The following NDUFAF2 variants were observed in gnomAD, a reference collection of about 807,000 sequenced individuals.
NDUFAF2 encodes NADH:ubiquinone oxidoreductase complex assembly factor 2.
In NDUFAF2, 13 loss-of-function variants were observed where a neutral mutation model predicts 22.8. The observed-to-expected ratio is 0.57, with a 90% CI of 0.37 to 0.91. NDUFAF2 has a LOEUF of 0.91. NDUFAF2 is among the 40% of genes least tolerant of loss of function. NDUFAF2 has a pLI of 0.01. For synonymous variants in NDUFAF2, 53 were observed against 64.2 expected, an observed-to-expected ratio of 0.83 and a Z score of 0.84; for missense variants, 162 against 195.2, an observed-to-expected ratio of 0.83 and a Z score of 1.01.
intron 3 of NDUFAF2, among the ~76,000 whole-genome samples, chr5:61,106,674 A>G (rs1554083298): frequency 1.3e-5 from 2 of 150,562 alleles, no homozygotes; most frequent in Non-Finnish European, 1.5e-5. Flanking sequence ...CCCATTAACC[A>G]TTCCCACCCC....
intron 2 of NDUFAF2, among the ~76,000 whole-genome samples, chr5:61,089,680 A>G (rs1431664237): frequency 6.6e-6 from 1 of 152,230 alleles, no homozygotes; most frequent in Non-Finnish European, 1.5e-5. Context: ...TAAAACCAAG[A>G]TTCATTAAAT....
chr5:60,947,714 C>T (rs1417175876), intron 1 of NDUFAF2, among the ~76,000 whole-genome samples: 3 of 146,874 alleles, frequency 2.0e-5, no homozygotes, highest in South Asian at 2.2e-4. Flanking sequence ...TGCAGTGAGC[C>T]GAGATCACAC....
At chr5:61,015,784 A>T (rs1751499121) in intron 1 of NDUFAF2, among the ~76,000 whole-genome samples, 1 of 152,170 alleles carries the variant, frequency 6.6e-6, no homozygotes, top group African/African-American at 2.4e-5. Flanking sequence ...AAGGTTAAAA[A>T]CCAACAAAAA....
rs552999129 is a variant in NDUFAF2 at position 61,022,790 on chromosome 5, G to A, written c.128-50335G>A. On this transcript the variant is annotated intron_variant, in intron 1 of 3. Transcript: ENST00000296597. ...CTCCCAAGCAGCTGGGATTACAGGC[G>A]CATGCCACCACACCCAGCTAATTTT... 1.2e-4 allele frequency among the ~76,000 whole-genome samples: 18 copies of A among 152,136 alleles called. No homozygotes were observed. In the South Asian group the frequency reaches 3.1e-3, roughly 26 times the overall value.
At chr5:60,964,760 T>C (rs1278224218) in intron 1 of NDUFAF2, among the ~76,000 whole-genome samples, 1 of 152,112 alleles carries the variant, frequency 6.6e-6, no homozygotes, top group Admixed American at 6.5e-5. Flanking sequence ...CCACATAACG[T>C]TGATTACCAT....
At chr5:61,056,675 G>A (rs1339942235) in intron 1 of NDUFAF2, among the ~76,000 whole-genome samples, 1 of 151,548 alleles carries the variant, frequency 6.6e-6, no homozygotes, top group African/African-American at 2.4e-5. Flanking sequence ...ATCACCTGAG[G>A]TTGGCAGTTC....
chr5:60,980,902 A>G (rs1462005201), intron 1 of NDUFAF2, among the ~76,000 whole-genome samples: 6 of 152,158 alleles, frequency 3.9e-5, no homozygotes, highest in African/African-American at 1.4e-4. Context: ...GACAAAAGAA[A>G]TGAGAATAAA....
rs147265110 is a variant in NDUFAF2 at position 60,970,724 on chromosome 5, G to A, written c.127+25342G>A. The stretch of plus-strand genomic sequence containing the variant: ...TTGCTTTAGCTAGGACTTCCAGTAC[G>A]TGTTAAATAACAGTGGTGACAGTGG... On this transcript the variant is annotated intron_variant, in intron 1 of 3. Transcript: ENST00000296597. 4.1e-3 allele frequency among the ~76,000 whole-genome samples: 617 copies of A among 152,142 alleles called. 5 individuals are homozygous for A. Among genetic ancestry groups the A allele is most frequent in the African/African-American group, 0.014 (569 of 41,522 alleles).
At chr5:60,964,747 C>T (rs549569538) in intron 1 of NDUFAF2, among the ~76,000 whole-genome samples, 43 of 152,072 alleles carry the variant, frequency 2.8e-4, no homozygotes, top group Non-Finnish European at 5.0e-4. Flanking sequence ...CTACCGCGCC[C>T]GGCCACATAA....
chr5:61,059,894 G>A (rs1019245780), intron 1 of NDUFAF2, among the ~76,000 whole-genome samples: 3 of 152,080 alleles, frequency 2.0e-5, no homozygotes, highest in African/African-American at 7.2e-5. Flanking sequence ...TTTAATTACT[G>A]TGAGGAATAA....
intron 1 of NDUFAF2, among the ~76,000 whole-genome samples, chr5:61,033,944 A>G (rs1295497290): frequency 1.3e-5 from 2 of 152,188 alleles, no homozygotes; most frequent in Non-Finnish European, 2.9e-5. Context: ...TATCAGAAGG[A>G]GAACTAGACA....
At chr5:60,979,854 C>G (rs1207264485) in intron 1 of NDUFAF2, among the ~76,000 whole-genome samples, 1 of 152,174 alleles carries the variant, frequency 6.6e-6, no homozygotes, top group Non-Finnish European at 1.5e-5. Flanking sequence ...CACTGTAGTC[C>G]TTAGTGAGAC....
At chr5:60,995,233 T>C (rs1751213895) in intron 1 of NDUFAF2, among the ~76,000 whole-genome samples, 1 of 152,222 alleles carries the variant, frequency 6.6e-6, no homozygotes, top group African/African-American at 2.4e-5. Context: ...TCCTGGATGG[T>C]GTTGATGCAA....
intron 1 of NDUFAF2, among the ~76,000 whole-genome samples, chr5:60,992,346 G>A (rs1464534377): frequency 6.6e-6 from 1 of 152,164 alleles, no homozygotes; most frequent in Non-Finnish European, 1.5e-5. Context: ...GTCTGTGCTT[G>A]TGGGGTATTA....
rs574425431 is a variant in NDUFAF2, at chr5:61,105,354, G to A, written c.258+6322G>A. Reference sequence around the variant, plus strand: ...ATTTTATAAGTTACAGAATTAAAATGTCTTAAAATTGCCATTTTATGTATA... The same window carrying A: ...ATTTTATAAGTTACAGAATTAAAATATCTTAAAATTGCCATTTTATGTATA... On this transcript the variant is annotated intron_variant, in intron 3 of 3. Coordinates refer to ENST00000296597, the MANE Select transcript of NDUFAF2 (RefSeq NM_174889.5). 4.6e-5 allele frequency among the ~76,000 whole-genome samples: 7 copies of A among 151,294 alleles called. No homozygotes were observed. In the South Asian group the frequency reaches 1.5e-3, roughly 31 times the overall value.
At chr5:60,962,831 TAA>T (rs76616114) in intron 1 of NDUFAF2, among the ~76,000 whole-genome samples, 1 of 143,372 alleles carries the variant, frequency 7.0e-6, no homozygotes. Context: ...GACTGCATCT[TAA>T]AAAAAAAAAA....
intron 3 of NDUFAF2, among the ~76,000 whole-genome samples, chr5:61,136,711 G>C (rs1561136934): frequency 6.6e-6 from 1 of 152,160 alleles, no homozygotes; most frequent in African/African-American, 2.4e-5. Flanking sequence ...TCACTAAAAG[G>C]TGCCTTAATA....
chr5:61,044,802 A>C (rs1046213701), intron 1 of NDUFAF2, among the ~76,000 whole-genome samples: 1 of 152,044 alleles, frequency 6.6e-6, no homozygotes, highest in African/African-American at 2.4e-5. Flanking sequence ...TGCCTTGGCT[A>C]TCTGGGGTCT....
chr5:61,151,760 C>T (rs937350961), intron 3 of NDUFAF2, among the ~76,000 whole-genome samples: 9 of 151,806 alleles, frequency 5.9e-5, no homozygotes, highest in Admixed American at 6.6e-5. Context: ...CACCATTGTA[C>T]TCCAGCCTGG....
Sources: allele counts gnomAD v4.1 joint callset (sites outside exome capture counted in the v4.1 genomes callset), GRCh38; gene constraint gnomAD v4.1.1; transcripts MANE v1.5; gene names NCBI Gene and HGNC (gene_info 2026-07-23, HGNC 2026-07-21).